The following NDST3 variants were observed in gnomAD, a reference collection of about 807,000 sequenced individuals.
NDST3 encodes the protein N-deacetylase and N-sulfotransferase 3.
Under a neutral mutation model 96.1 loss-of-function variants are expected in NDST3, and 58 were observed. The observed-to-expected ratio is 0.60, with a 90% CI of 0.49 to 0.75. NDST3 has a LOEUF of 0.75. Among genes scored for constraint, NDST3 ranks in the 30% least tolerant of loss-of-function variants. The probability of loss-of-function intolerance (pLI) is 0.00; values close to 1 mark genes in which losing one functional copy is unlikely to be tolerated. For synonymous variants in NDST3, 333 were observed against 359.7 expected (o/e 0.93, Z 0.84); for missense variants, 788 against 1,034.2 (o/e 0.76, Z 3.27).
intron 6 of NDST3, among the ~76,000 whole-genome samples, chr4:118,183,182 A>G (rs976818703): frequency 2.0e-5 from 3 of 152,182 alleles, no homozygotes; most frequent in Non-Finnish European, 4.4e-5. Context: ...CTGTCCTTGG[A>G]AAACAATGTT....
At chr4:118,040,245 A>G (rs1437213887) in intron 1 of NDST3, among the ~76,000 whole-genome samples, 6 of 152,270 alleles carry the variant, frequency 3.9e-5, no homozygotes, top group South Asian at 2.1e-4. Context: ...TGTTGCTATT[A>G]TATCAAGTTG....
intron 2 of NDST3, among the ~76,000 whole-genome samples, chr4:118,075,527 G>A (rs1727453186): frequency 6.6e-6 from 1 of 152,134 alleles, no homozygotes; most frequent in Admixed American, 6.5e-5. Context: ...GTGTAAAAGT[G>A]TTCTTATTTC....
At chr4:118,194,549 G>C in intron 6 of NDST3, 1 of 727,614 alleles carries the variant, frequency 1.4e-6, no homozygotes, top group Non-Finnish European at 2.6e-6. Context: ...ATCCAGACTG[G>C]GGTCAAAGTT....
At chr4:118,205,535 G>A (rs1206694316) in intron 6 of NDST3, among the ~76,000 whole-genome samples, 1 of 144,618 alleles carries the variant, frequency 6.9e-6, no homozygotes, top group Admixed American at 6.9e-5. Context: ...GTTCCAGTTA[G>A]TGATGCTAAT....
intron 6 of NDST3, among the ~76,000 whole-genome samples, chr4:118,146,711 G>A (rs915308893): frequency 3.9e-5 from 6 of 152,170 alleles, no homozygotes; most frequent in African/African-American, 7.2e-5. Flanking sequence ...AGAAAACTTT[G>A]GTCATCTCTA....
chr4:118,161,516 G>A (rs1560688484), intron 6 of NDST3, among the ~76,000 whole-genome samples: 3 of 152,170 alleles, frequency 2.0e-5, no homozygotes, highest in Non-Finnish European at 2.9e-5. Context: ...GAGCTGTGGT[G>A]GGCTCCACCC....
chr4:118,187,233 T>C (rs1013465950), intron 6 of NDST3, among the ~76,000 whole-genome samples: 3 of 152,240 alleles, frequency 2.0e-5, no homozygotes, highest in African/African-American at 7.2e-5. Context: ...GCAAGTAATC[T>C]AGAGCAATTC....
intron 6 of NDST3, among the ~76,000 whole-genome samples, chr4:118,180,941 T>C (rs1321672172): frequency 6.6e-6 from 1 of 152,128 alleles, no homozygotes; most frequent in East Asian, 1.9e-4. Context: ...CCACTGTCAG[T>C]TACCTTTAAA....
chr4:118,151,266 T>C (rs948434479), intron 6 of NDST3, among the ~76,000 whole-genome samples: 4 of 152,016 alleles, frequency 2.6e-5, no homozygotes, highest in South Asian at 2.1e-4. Context: ...AGGGATAGCA[T>C]TGGGAGATAT....
At chr4:118,071,001 T>C (rs1035196268) in intron 2 of NDST3, among the ~76,000 whole-genome samples, 2 of 152,092 alleles carry the variant, frequency 1.3e-5, no homozygotes, top group East Asian at 1.9e-4. Context: ...TGCGATAGTT[T>C]GCTGAGAATG....
intron 2 of NDST3, among the ~76,000 whole-genome samples, chr4:118,093,023 G>GA (rs1167835065): frequency 1.1e-4 from 2 of 18,532 alleles, no homozygotes; most frequent in African/African-American, 1.2e-4. Flanking sequence ...CTTAGGGGCA[G>GA]AGAAAATAAC....
At position 118,174,508 on chromosome 4, in the gene NDST3, GAACT is replaced by G. The variant is rs113235309; in HGVS notation, c.1539+30830_1539+30833del. On this transcript the variant is annotated intron_variant, in intron 6 of 13. Coordinates refer to ENST00000296499, the MANE Select transcript of NDST3 (RefSeq NM_004784.3). ...AATTCTGTACAGCTGGCTGGACTGT[GAACT>G]AACTATCATTGTACAGAGATCTCAA... 7.4e-3 allele frequency among the ~76,000 whole-genome samples: 1,119 copies of G among 152,230 alleles called. 7 individuals carry two copies. Among genetic ancestry groups the G allele is most frequent in the Middle Eastern group, 0.02 (6 of 294 alleles).
At chr4:118,104,819 GATAA>G (rs1156658314) in intron 2 of NDST3, among the ~76,000 whole-genome samples, 195 bp from the exon 3 acceptor site, 1 of 152,072 alleles carries the variant, frequency 6.6e-6, no homozygotes, top group African/African-American at 2.4e-5. Flanking sequence ...CAAGCTAAAG[GATAA>G]ATAAATGTAT....
Position 118,084,029 on chromosome 4 carries a change from A to G in NDST3, c.982-20989A>G, listed in dbSNP as rs529030484. ...TTATGCCTCCACCTGTATTCTTCTAAAAATGATATCCATCTCTTCATTTTT... is the reference window on the plus strand; with the variant it reads ...TTATGCCTCCACCTGTATTCTTCTAGAAATGATATCCATCTCTTCATTTTT... On this transcript the variant is annotated intron_variant, in intron 2 of 13. Coordinates refer to ENST00000296499, the MANE Select transcript of NDST3 (RefSeq NM_004784.3). Among the ~76,000 whole-genome samples, 3 of 152,306 alleles carry G rather than the reference A, an allele frequency of 2.0e-5. No homozygotes were observed. In the South Asian group the frequency reaches 6.2e-4, roughly 32 times the overall value.
rs60636484 is a variant in NDST3, at chr4:118,057,729, T to TA, written c.981+2839dup. Among the ~76,000 whole-genome samples the TA allele has an allele frequency of 6.3e-3, 961 of 152,152 alleles. 8 individuals carry two copies. The highest frequency in any genetic ancestry group is 0.022 in the African/African-American group (915 of 41,546). ...TGCATAATCTATGTGAATGGAATGA[T>TA]AGAGACCGAAGCCCATTTGCAGTAA... On this transcript the variant is annotated intron_variant, in intron 2 of 13. Transcript: ENST00000296499.
At chr4:118,157,833 A>C (rs531601646) in intron 6 of NDST3, among the ~76,000 whole-genome samples, 1 of 152,266 alleles carries the variant, frequency 6.6e-6, no homozygotes, top group South Asian at 2.1e-4. Context: ...GAACAAATAA[A>C]CCTAACATGG....
chr4:118,219,012 C>A (rs898759887), intron 6 of NDST3, among the ~76,000 whole-genome samples: 1 of 152,044 alleles, frequency 6.6e-6, no homozygotes, highest in African/African-American at 2.4e-5. Flanking sequence ...AGGAGTACTA[C>A]AAACCACTAC....
chr4:118,240,522 A>T lies in NDST3; in HGVS notation c.2119-2A>T. 1 of 1,595,536 alleles carries T rather than the reference A, an allele frequency of 6.3e-7. No individual in the cohort carries two copies. The highest frequency in any genetic ancestry group is 8.5e-7 in the Non-Finnish European group (1 of 1,170,168). On this transcript the variant is annotated splice_acceptor_variant, in intron 10 of 13. Coordinates refer to ENST00000296499, the MANE Select transcript of NDST3 (RefSeq NM_004784.3). LOFTEE classifies it high-confidence loss of function. The stretch of plus-strand genomic sequence containing the variant: ...GTTTAATTATCCACCTTTTCATCAT[A>T]GCATCAGCGATCACATGAAGACCCT...
chr4:118,049,726 T>C (rs1186312853), intron 1 of NDST3, among the ~76,000 whole-genome samples: 1 of 148,318 alleles, frequency 6.7e-6, no homozygotes, highest in Non-Finnish European at 1.5e-5. Flanking sequence ...GAATCAGTAA[T>C]AATAATAAAA....
Sources: allele counts gnomAD v4.1 joint callset (sites outside exome capture counted in the v4.1 genomes callset), GRCh38; gene constraint gnomAD v4.1.1; transcripts MANE v1.5; gene names NCBI Gene and HGNC (gene_info 2026-07-23, HGNC 2026-07-21).